KIAA1958: variants seen among roughly 807,000 people sequenced by gnomAD.
KIAA1958 encodes the protein uncharacterized protein KIAA1958.
In KIAA1958, 14 loss-of-function variants were observed where a neutral mutation model predicts 47.2. The observed-to-expected ratio is 0.30, with a 90% CI of 0.20 to 0.46. The LOEUF (loss-of-function observed/expected upper bound fraction) is 0.46. Ranked by LOEUF, KIAA1958 falls within the 20% of genes least tolerant of loss-of-function variation. The pLI, the probability that KIAA1958 is intolerant of heterozygous loss-of-function variation, is 1.00. For missense variants in KIAA1958, 803 were observed against 909.2 expected, an observed-to-expected ratio of 0.88 and a Z score of 1.50; for synonymous variants, 354 against 353.3, an observed-to-expected ratio of 1.00 and a Z score of -0.02.
intron 1 of KIAA1958, among the ~76,000 whole-genome samples, chr9:112,504,422 C>T (rs569383688): frequency 6.6e-6 from 1 of 152,172 alleles, no homozygotes; most frequent in Non-Finnish European, 1.5e-5. Context: ...TTCCTGACCT[C>T]AAGTGATCCA....
chr9:112,510,505 T>C (rs1349305095), intron 1 of KIAA1958, among the ~76,000 whole-genome samples: 3 of 152,254 alleles, frequency 2.0e-5, no homozygotes, highest in Non-Finnish European at 4.4e-5. Context: ...CTTTGCATCT[T>C]AAGAAATCTC....
chr9:112,601,533 A>C (rs1375385132), intron 2 of KIAA1958, among the ~76,000 whole-genome samples: 1 of 152,102 alleles, frequency 6.6e-6, no homozygotes, highest in Non-Finnish European at 1.5e-5. Flanking sequence ...TCCTCCTTTG[A>C]CCATAAGTTG....
intron 1 of KIAA1958, among the ~76,000 whole-genome samples, chr9:112,544,172 CCTT>C (rs745780438): frequency 2.0e-5 from 3 of 152,050 alleles, no homozygotes; most frequent in Non-Finnish European, 4.4e-5. Context: ...TTATCTGTAG[CCTT>C]CTTTACTGTA....
chr9:112,593,576 T>C (rs1174125065), intron 2 of KIAA1958, among the ~76,000 whole-genome samples: 1 of 151,784 alleles, frequency 6.6e-6, no homozygotes, highest in African/African-American at 2.4e-5. Context: ...GTTTTTTTGT[T>C]TTTGTTTTGT....
chr9:112,638,521 AAAAG>A (rs996860290), intron 2 of KIAA1958, among the ~76,000 whole-genome samples: 1 of 152,244 alleles, frequency 6.6e-6, no homozygotes, highest in Non-Finnish European at 1.5e-5. Flanking sequence ...AAAGAAAAGA[AAAAG>A]AAAATTTTCT....
chr9:112,586,018 A>G (rs1263504313), intron 2 of KIAA1958, among the ~76,000 whole-genome samples: 3 of 152,246 alleles, frequency 2.0e-5, no homozygotes, highest in Non-Finnish European at 4.4e-5. Context: ...TCCTGTTCTC[A>G]TGCTGCCTAC....
chr9:112,525,697 A>G (rs1337609470), intron 1 of KIAA1958, among the ~76,000 whole-genome samples: 1 of 152,114 alleles, frequency 6.6e-6, no homozygotes, highest in Non-Finnish European at 1.5e-5. Flanking sequence ...TAGTCCTCAT[A>G]GAATTTCATA....
intron 1 of KIAA1958, among the ~76,000 whole-genome samples, chr9:112,489,349 C>G (rs544251428): frequency 3.9e-5 from 6 of 152,188 alleles, no homozygotes; most frequent in African/African-American, 9.7e-5. Flanking sequence ...AGCTAAGCAT[C>G]GAGTGTGGCC....
chr9:112,552,507 C>A (rs183451511), intron 1 of KIAA1958, among the ~76,000 whole-genome samples: 3 of 152,192 alleles, frequency 2.0e-5, no homozygotes, highest in African/African-American at 7.2e-5. Flanking sequence ...TTATAAGAGG[C>A]AGTCACTCTT....
chr9:112,505,297 A>C (rs758859673), intron 1 of KIAA1958, among the ~76,000 whole-genome samples: 1 of 152,166 alleles, frequency 6.6e-6, no homozygotes, highest in Non-Finnish European at 1.5e-5. Context: ...CCTGGCTTTG[A>C]ATCCTGTTTC....
Position 112,628,765 on chromosome 9 carries a change from C to CA in KIAA1958, c.1172-16878dup, listed in dbSNP as rs35932189. Among the ~76,000 whole-genome samples, 17 of 151,516 alleles carry CA rather than the reference C, an allele frequency of 1.1e-4. No homozygotes were observed. In the South Asian group the frequency reaches 1.3e-3, roughly 11 times the overall value. ...TTTTTGCCTCAGGCAGTTTTTAAAT[C>CA]AAAAAAATATATATATATTTATTAG... is the stretch of plus-strand genomic sequence containing the variant. On this transcript the variant is annotated intron_variant, in intron 2 of 3. Transcript: ENST00000337530.
intron 1 of KIAA1958, among the ~76,000 whole-genome samples, chr9:112,515,747 C>T (rs1389479425): frequency 1.1e-5 from 1 of 94,658 alleles, no homozygotes; most frequent in Non-Finnish European, 2.1e-5. Context: ...ACAAACACTG[C>T]GGAAGGCCGC....
At chr9:112,541,453 T>A (rs1156559879) in intron 1 of KIAA1958, among the ~76,000 whole-genome samples, 6 of 152,170 alleles carry the variant, frequency 3.9e-5, no homozygotes, top group African/African-American at 1.2e-4. Flanking sequence ...TAGAAGTTCT[T>A]ACATTCAGGC....
intron 1 of KIAA1958, among the ~76,000 whole-genome samples, chr9:112,515,092 G>A (rs1401635495): frequency 3.3e-3 from 226 of 68,948 alleles, no homozygotes; most frequent in Non-Finnish European, 5.7e-3. Flanking sequence ...GGGGGGGGTC[G>A]GCCCCCCCGC....
At chr9:112,563,668 T>C (rs1835375972) in intron 1 of KIAA1958, among the ~76,000 whole-genome samples, 1 of 152,118 alleles carries the variant, frequency 6.6e-6, no homozygotes, top group Non-Finnish European at 1.5e-5. Context: ...ACATATATTA[T>C]AGGATCAGTT....
At chr9:112,536,721 T>C (rs1342513749) in intron 1 of KIAA1958, among the ~76,000 whole-genome samples, 1 of 152,110 alleles carries the variant, frequency 6.6e-6, no homozygotes, top group Non-Finnish European at 1.5e-5. Flanking sequence ...TTTGAGGCCA[T>C]AGTGAGCTAT....
intron 2 of KIAA1958, among the ~76,000 whole-genome samples, chr9:112,602,316 C>G (rs921407061): frequency 3.3e-5 from 5 of 152,066 alleles, no homozygotes; most frequent in Non-Finnish European, 7.4e-5. Context: ...ATTTTTGTAA[C>G]CACTAACAAA....
intron 2 of KIAA1958, among the ~76,000 whole-genome samples, chr9:112,641,275 T>G (rs1324707391): frequency 6.6e-6 from 1 of 151,764 alleles, no homozygotes; most frequent in Non-Finnish European, 1.5e-5. Flanking sequence ...AGGTAGGTAA[T>G]AAATTTCTTC....
rs368246788 is a variant in KIAA1958, at chr9:112,618,174, A to T, written c.1172-27476A>T. On this transcript the variant is annotated intron_variant, in intron 2 of 3. Coordinates refer to ENST00000337530, the MANE Select transcript of KIAA1958 (RefSeq NM_133465.4). This position sits in a 1 kb window ranked among gnomAD's most constrained non-coding sequence, Gnocchi z 7.1. ...AGCATCACCAGGGATAAGGAATTCAAGCGTTCCCAAGAGGCCCTGAAGCAG... is the reference window on the plus strand; with the variant it reads ...AGCATCACCAGGGATAAGGAATTCATGCGTTCCCAAGAGGCCCTGAAGCAG... 3 of 1,550,646 alleles carry T rather than the reference A, an allele frequency of 1.9e-6. No homozygotes were observed. Among genetic ancestry groups the T allele is most frequent in the Non-Finnish European group, 2.6e-6 (3 of 1,147,000 alleles).
Sources: gnomAD v4.1 joint callset for allele counts (sites outside exome capture counted in the v4.1 genomes callset) on GRCh38, gnomAD v4.1.1 for gene constraint, Gnocchi (gnomAD v3.1) non-coding constraint, MANE v1.5 for transcripts, NCBI Gene and HGNC (gene_info 2026-07-23, HGNC 2026-07-21) for gene names.